Variants in SIL1 observed in about 807,000 individuals in gnomAD.
The protein encoded by SIL1 is SIL1 nucleotide exchange factor, also known as nucleotide exchange factor SIL1.
Under a neutral mutation model 49.1 loss-of-function variants are expected in SIL1, and 40 were observed. The observed-to-expected ratio is 0.81, with a 90% CI of 0.63 to 1.06. SIL1 has a LOEUF of 1.06. Ranked by LOEUF, SIL1 falls within the 50% of genes least tolerant of loss-of-function variation. The pLI, the probability that SIL1 is intolerant of heterozygous loss-of-function variation, is 0.00. For synonymous variants in SIL1, 253 were observed against 250.8 expected (o/e 1.01, Z -0.08); for missense variants, 500 against 572.6 (o/e 0.87, Z 1.29).
chr5:139,105,182 C>T (rs1404543358), intron 3 of SIL1, among the ~76,000 whole-genome samples: 1 of 152,104 alleles, frequency 6.6e-6, no homozygotes, highest in East Asian at 1.9e-4. Flanking sequence ...ACTCCTCCAT[C>T]TCAGGAAGAG....
intron 7 of SIL1, among the ~76,000 whole-genome samples, chr5:139,012,090 G>A: frequency 6.6e-6 from 1 of 152,132 alleles, no homozygotes. Flanking sequence ...GTCTCGCTCT[G>A]TTGCCCAGGC....
chr5:139,101,463 T>C (rs1770586051), intron 3 of SIL1, among the ~76,000 whole-genome samples: 1 of 152,216 alleles, frequency 6.6e-6, no homozygotes, highest in Non-Finnish European at 1.5e-5. Flanking sequence ...GTCTGTACAA[T>C]CAGATATTTA....
intron 3 of SIL1, among the ~76,000 whole-genome samples, chr5:139,055,701 C>T (rs1257057059): frequency 6.8e-6 from 1 of 146,476 alleles, no homozygotes; most frequent in Non-Finnish European, 1.5e-5. Flanking sequence ...TCTCTTTCCA[C>T]GGTCTCCCTC....
chr5:139,170,291 C>T (rs1487064895), intron 1 of SIL1, among the ~76,000 whole-genome samples: 2 of 152,028 alleles, frequency 1.3e-5, no homozygotes, highest in African/African-American at 2.4e-5. Context: ...GCCGCCACCC[C>T]GTCTGGGAAG....
intron 7 of SIL1, among the ~76,000 whole-genome samples, chr5:138,955,024 G>A (rs909611826): frequency 1.3e-5 from 2 of 152,170 alleles, no homozygotes; most frequent in African/African-American, 2.4e-5. Context: ...TGGATGCCTC[G>A]AGCACATATC....
intron 1 of SIL1, among the ~76,000 whole-genome samples, chr5:139,190,262 C>T (rs116498185): frequency 0.038 from 5,711 of 152,292 alleles, 160 homozygotes; most frequent in Middle Eastern, 0.071. Context: ...TGGCCTCATT[C>T]TTTACAGAAA....
rs1256200956 is a variant in SIL1, at chr5:139,084,790, T to TA, written c.245-33745dup. The stretch of plus-strand genomic sequence containing the variant: ...CCTAAAACTTAGAGTATAATAAAAA[T>TA]AAAAATAAATAAAAAAAAATAAAAA... On this transcript the variant is annotated intron_variant, in intron 3 of 9. Transcript: ENST00000394817. Among the ~76,000 whole-genome samples the TA allele has an allele frequency of 4.7e-5, 7 of 149,700 alleles. No homozygotes were observed. The East Asian group carries it at 5.8e-4, about 12-fold the overall frequency.
intron 1 of SIL1, chr5:139,137,287 T>C (rs1164600965): frequency 1.4e-6 from 1 of 702,296 alleles, no homozygotes; most frequent in Non-Finnish European, 2.6e-6. Flanking sequence ...ATGCTGCTCA[T>C]TTTACCCATG....
In SIL1 at chr5:138,974,006, A is replaced by T. The variant is rs563620110; in HGVS notation, c.768-22122T>A. Among the ~76,000 whole-genome samples the T allele has an allele frequency of 6.0e-4, 92 of 152,144 alleles. 1 individual carries two copies. The highest frequency in any genetic ancestry group is 7.9e-4 in the Non-Finnish European group (54 of 68,026). On this transcript the variant is annotated intron_variant, in intron 7 of 9. Transcript: ENST00000394817. ...TACACATGCTATTTTCAATGTAGAG[A>T]CCCTACTCTCCAGAAAGAAGAGGCT...
chr5:139,026,067 T>TTAGGC (rs1768643783), intron 6 of SIL1, among the ~76,000 whole-genome samples: 4 of 152,208 alleles, frequency 2.6e-5, no homozygotes, highest in Admixed American at 6.5e-5. Flanking sequence ...TGTCACATCC[T>TTAGGC]CTGAGAAGCC....
chr5:139,136,396 A>G (rs41340145), intron 1 of SIL1, among the ~76,000 whole-genome samples: 3,228 of 152,326 alleles, frequency 0.021, 58 homozygotes, highest in Non-Finnish European at 0.036. Flanking sequence ...CTATCAACAC[A>G]GAGGTGATCA....
At chr5:139,156,352 C>A (rs576401254) in intron 1 of SIL1, among the ~76,000 whole-genome samples, 5 of 151,780 alleles carry the variant, frequency 3.3e-5, no homozygotes, top group Non-Finnish European at 5.9e-5. Flanking sequence ...AAATAACATC[C>A]CAAAGATATC....
chr5:139,093,344 T>C (rs1468271377), intron 3 of SIL1, among the ~76,000 whole-genome samples: 1 of 152,250 alleles, frequency 6.6e-6, no homozygotes, highest in Non-Finnish European at 1.5e-5. Context: ...TACAGCAGCA[T>C]AAAATGTACT....
chr5:139,170,025 C>T (rs868404144), intron 1 of SIL1, among the ~76,000 whole-genome samples: 3 of 152,372 alleles, frequency 2.0e-5, no homozygotes, highest in Middle Eastern at 6.8e-3. Flanking sequence ...TGCTGCCACG[C>T]CTGACTGGTT....
chr5:139,160,663 C>T (rs900198375), intron 1 of SIL1, among the ~76,000 whole-genome samples: 2 of 151,878 alleles, frequency 1.3e-5, no homozygotes, highest in African/African-American at 2.4e-5. Flanking sequence ...GGTGAAAACC[C>T]GTCTCAAAAT....
chr5:139,167,768 A>G (rs1751653610), intron 1 of SIL1, among the ~76,000 whole-genome samples: 1 of 152,218 alleles, frequency 6.6e-6, no homozygotes, highest in Non-Finnish European at 1.5e-5. Context: ...CTGACCACTT[A>G]CTCACTGACT....
At chr5:139,056,247 A>G (rs1302334278) in intron 3 of SIL1, among the ~76,000 whole-genome samples, 2 of 147,006 alleles carry the variant, frequency 1.4e-5, no homozygotes, top group Non-Finnish European at 3.0e-5. Flanking sequence ...CCCGGCCGCC[A>G]TCCCATCTAG....
At chr5:139,086,965 GATAATA>G (rs1252679389) in intron 3 of SIL1, among the ~76,000 whole-genome samples, 1 of 151,070 alleles carries the variant, frequency 6.6e-6, no homozygotes, top group Non-Finnish European at 1.5e-5. Flanking sequence ...ATTTGAAAAA[GATAATA>G]ATAATAATTA....
At chr5:139,042,752 G>A in intron 4 of SIL1, 33 bp from the exon 5 acceptor site, 1 of 1,588,740 alleles carries the variant, frequency 6.3e-7, no homozygotes, top group South Asian at 1.1e-5. Context: ...AAAGAGGGAG[G>A]CATGGCTAGG....
Sources: gnomAD v4.1 joint callset for allele counts (sites outside exome capture counted in the v4.1 genomes callset) on GRCh38, gnomAD v4.1.1 for gene constraint, MANE v1.5 for transcripts, NCBI Gene and HGNC (gene_info 2026-07-23, HGNC 2026-07-21) for gene names.